The following MCC variants were observed in gnomAD, a reference collection of about 807,000 sequenced individuals.
The protein encoded by MCC is MCC regulator of Wnt signaling pathway, also known as colorectal mutant cancer protein.
MCC carries 90 observed loss-of-function variants against 116.2 expected under a neutral mutation model. The observed-to-expected ratio is 0.77, with a 90% CI of 0.65 to 0.92. The LOEUF is 0.92. Among genes scored for constraint, MCC ranks in the 40% least tolerant of loss-of-function variants. The probability of loss-of-function intolerance (pLI) is 0.00; values close to 1 mark genes in which losing one functional copy is unlikely to be tolerated. For synonymous variants in MCC, 578 were observed against 510.5 expected, an observed-to-expected ratio of 1.13 and a Z score of -1.78; for missense variants, 1,516 against 1,312.2, an observed-to-expected ratio of 1.16 and a Z score of -2.40.
At chr5:113,445,761 T>C (rs1771195250) in intron 1 of MCC, among the ~76,000 whole-genome samples, 1 of 152,168 alleles carries the variant, frequency 6.6e-6, no homozygotes, top group African/African-American at 2.4e-5. Context: ...CTAATACTCA[T>C]ATAGAATGAA....
chr5:113,032,857 G>A (rs1751054026), intron 17 of MCC, among the ~76,000 whole-genome samples: 1 of 152,190 alleles, frequency 6.6e-6, no homozygotes, highest in Non-Finnish European at 1.5e-5. Flanking sequence ...CGTCCTCACT[G>A]CTACACTCTC....
chr5:113,485,306 A>T (rs1214147255), intron 1 of MCC, among the ~76,000 whole-genome samples: 1 of 152,166 alleles, frequency 6.6e-6, no homozygotes, highest in Non-Finnish European at 1.5e-5. Context: ...TTGAATGTGG[A>T]TTATCATGGG....
At chr5:113,176,848 A>C (rs1039073338) in intron 3 of MCC, among the ~76,000 whole-genome samples, 3 of 151,926 alleles carry the variant, frequency 2.0e-5, no homozygotes, top group Non-Finnish European at 4.4e-5. Flanking sequence ...ACTCCTCCCC[A>C]TGCCAGCATC....
At position 113,143,237 on chromosome 5, in the gene MCC, G is replaced by T. The variant is rs1216613243; in HGVS notation, c.865C>A (p.Leu289Met). 1 of 1,608,078 alleles carries T rather than the reference G, an allele frequency of 6.2e-7. No homozygotes were observed. Among genetic ancestry groups the T allele is most frequent in the South Asian group, 1.1e-5 (1 of 90,210 alleles). The change falls in exon 5 of 19, where the codon CTG (leucine) becomes ATG (methionine). Residue 289 changes from leucine (L) to methionine (M), a missense_variant. Physicochemically the swap from Leu to Met is conservative, Grantham distance 15. Transcript: ENST00000408903. ...IAELNKKIDR[L>M]QGTTIREEDE... is the part of the protein sequence containing the mutation. ...GCGTACCTGATGGTGGTGCCTTGCAGACGGTCTATCTTCTTGTTGAGCTCC... is the reference window on the plus strand; with the variant it reads ...GCGTACCTGATGGTGGTGCCTTGCATACGGTCTATCTTCTTGTTGAGCTCC...
chr5:113,253,271 A>G (rs912962945), intron 3 of MCC, among the ~76,000 whole-genome samples: 1 of 152,142 alleles, frequency 6.6e-6, no homozygotes, highest in Non-Finnish European at 1.5e-5. Flanking sequence ...ACATCTGCAA[A>G]ACTGCCTGCA....
chr5:113,307,760 T>C (rs1164696688), intron 3 of MCC, among the ~76,000 whole-genome samples: 2 of 152,194 alleles, frequency 1.3e-5, no homozygotes, highest in East Asian at 3.8e-4. Flanking sequence ...TCTTTTACCA[T>C]TAAAAATGAT....
At chr5:113,441,159 AC>A (rs1771027011) in intron 1 of MCC, among the ~76,000 whole-genome samples, 1 of 152,106 alleles carries the variant, frequency 6.6e-6, no homozygotes, top group South Asian at 2.1e-4. Context: ...ACATGGTGAA[AC>A]CCTGTCTCTA....
At chr5:113,468,460 T>C (rs531753731) in intron 1 of MCC, among the ~76,000 whole-genome samples, 14 of 152,348 alleles carry the variant, frequency 9.2e-5, no homozygotes, top group Non-Finnish European at 1.6e-4. Flanking sequence ...TTGTCTTTGG[T>C]TCTGTTTACA....
At chr5:113,439,564 C>T (rs1770969944) in intron 1 of MCC, among the ~76,000 whole-genome samples, 1 of 152,158 alleles carries the variant, frequency 6.6e-6, no homozygotes, top group Non-Finnish European at 1.5e-5. Context: ...CAACTTGAAG[C>T]ACTAGGAAGC....
intron 7 of MCC, 37 bp from the exon 8 acceptor site, chr5:113,101,982 T>C: frequency 6.2e-7 from 1 of 1,604,276 alleles, no homozygotes; most frequent in Non-Finnish European, 8.5e-7. Flanking sequence ...TCAAGTAAGT[T>C]ACCTTGGAGA....
chr5:113,309,491 C>G (rs1767085606), intron 3 of MCC, among the ~76,000 whole-genome samples: 3 of 152,184 alleles, frequency 2.0e-5, no homozygotes, highest in Admixed American at 1.3e-4. Flanking sequence ...GGTTACTTCC[C>G]TTAGGATAAT....
rs1770168957 is a variant in MCC at position 113,416,974 on chromosome 5, T to C, written c.171-31762A>G. The stretch of plus-strand genomic sequence containing the variant: ...TTTCTTACCATGTGAATTGCCTTTT[T>C]TTTTTTTTTTTTTTGAGACGGAGTC... On this transcript the variant is annotated intron_variant, in intron 1 of 18. Coordinates refer to ENST00000408903, the MANE Select transcript of MCC (RefSeq NM_001085377.2). 2.9e-5 allele frequency among the ~76,000 whole-genome samples: 4 copies of C among 138,888 alleles called. No homozygotes were observed. The South Asian group carries it at 6.4e-4, about 22-fold the overall frequency. 91.1% of individuals were successfully genotyped at this position (138,888 alleles called of 152,430 possible).
intron 17 of MCC, among the ~76,000 whole-genome samples, chr5:113,038,346 G>A (rs530053895): frequency 1.4e-3 from 218 of 152,228 alleles, no homozygotes; most frequent in African/African-American, 4.9e-3. Flanking sequence ...GTACTTGGCT[G>A]AGTAAACCAC....
At chr5:113,196,332 T>C (rs1222591956) in intron 3 of MCC, among the ~76,000 whole-genome samples, 2 of 152,100 alleles carry the variant, frequency 1.3e-5, no homozygotes, top group Non-Finnish European at 2.9e-5. Context: ...TGAGCCCTGA[T>C]GGAAGTGGGT....
chr5:113,045,823 A>AAATT (rs1752035085), intron 16 of MCC, among the ~76,000 whole-genome samples: 2 of 149,540 alleles, frequency 1.3e-5, no homozygotes, highest in Non-Finnish European at 1.5e-5. Flanking sequence ...AAAATTAAAT[A>AAATT]AAGTGCTACT....
chr5:113,183,796 T>C (rs1427102812), intron 3 of MCC, among the ~76,000 whole-genome samples: 2 of 152,126 alleles, frequency 1.3e-5, no homozygotes, highest in African/African-American at 4.8e-5. Flanking sequence ...CAGAATTCTC[T>C]AGGTTCTGTC....
chr5:113,279,170 G>A (rs1765940136), intron 3 of MCC, among the ~76,000 whole-genome samples: 1 of 152,086 alleles, frequency 6.6e-6, no homozygotes. Context: ...CAATTGCTGT[G>A]TTAAGTAGCA....
intron 3 of MCC, among the ~76,000 whole-genome samples, chr5:113,185,018 C>T (rs1322948247): frequency 6.6e-6 from 1 of 152,172 alleles, no homozygotes; most frequent in Non-Finnish European, 1.5e-5. Context: ...GAAAAGGCTG[C>T]AAAGGCACCA....
intron 3 of MCC, among the ~76,000 whole-genome samples, chr5:113,195,863 C>G (rs1466734187): frequency 6.6e-6 from 1 of 152,160 alleles, no homozygotes; most frequent in Non-Finnish European, 1.5e-5. Flanking sequence ...GGCGCCTCCT[C>G]TCTCTCAGCT....
Sources: gnomAD v4.1 joint callset for allele counts (sites outside exome capture counted in the v4.1 genomes callset) on GRCh38, gnomAD v4.1.1 for gene constraint, MANE v1.5 for transcripts, NCBI Gene and HGNC (gene_info 2026-07-23, HGNC 2026-07-21) for gene names.